The following CENPO variants were observed in gnomAD, a reference collection of about 807,000 sequenced individuals.
CENPO encodes the protein centromeric protein O.
Under a neutral mutation model 36.1 loss-of-function variants are expected in CENPO, and 30 were observed. The observed-to-expected ratio is 0.83, with a 90% CI of 0.62 to 1.13. The LOEUF (loss-of-function observed/expected upper bound fraction) is 1.13. CENPO is among the 50% of genes most tolerant of loss of function. The pLI, the probability that CENPO is intolerant of heterozygous loss-of-function variation, is 0.00. For synonymous variants in CENPO, 171 were observed against 142.3 expected (o/e 1.20, Z -1.44); for missense variants, 349 against 357.8 (o/e 0.98, Z 0.20).
chr2:24,819,909 G>A lies in CENPO; in HGVS notation c.*591G>A. ...AAAATAAATTCTCCCTTCCGGTTTG[G>A]ACTGTTGCAGGCTCGAGGCCATTCA... On this transcript the variant is annotated 3_prime_UTR_variant, in exon 8 of 8. Coordinates refer to ENST00000380834, the MANE Select transcript of CENPO (RefSeq NM_001322101.2). 1 of 1,609,804 alleles carries A rather than the reference G, an allele frequency of 6.2e-7. No individual in the cohort carries two copies. The highest frequency in any genetic ancestry group is 8.5e-7 in the Non-Finnish European group (1 of 1,178,486).
In CENPO at chr2:24,817,743, G is replaced by A. The variant is rs202228565; in HGVS notation, c.840G>A (p.Leu280=). The change falls in exon 7 of 8, where the codon TTG becomes TTA. Residue 280 remains leucine (L), a synonymous_variant. Transcript: ENST00000380834. The part of the protein sequence containing the change: ...SHETLFCTKP[L]HQVFASFTRK... ...AAACTCTGTTCTGTACGAAGCCCTT[G>A]CATCAAGTGTTTGCCTCATTTACAA... 7.4e-6 allele frequency: 12 copies of A among 1,614,130 alleles called. No homozygotes were observed. The highest frequency in any genetic ancestry group is 1.0e-5 in the Non-Finnish European group (12 of 1,180,056).
chr2:24,803,847 G>T (rs538440606), intron 3 of CENPO, among the ~76,000 whole-genome samples: 1 of 152,088 alleles, frequency 6.6e-6, no homozygotes, highest in South Asian at 2.1e-4. Flanking sequence ...TATTAGGTCC[G>T]CTTGGTGCAG....
In CENPO at chr2:24,820,282, G is replaced by C; in HGVS notation, c.*964G>C. On this transcript the variant is annotated 3_prime_UTR_variant, in exon 8 of 8. Transcript: ENST00000380834. Reference sequence around the variant, plus strand: ...AGCCCTTCCACCCGTGGCGAGCAGCGGGTGGGAAGGAGAACCCTGGAGTGA... The same window carrying C: ...AGCCCTTCCACCCGTGGCGAGCAGCCGGTGGGAAGGAGAACCCTGGAGTGA... The C allele has an allele frequency of 8.0e-7, 1 of 1,247,670 alleles. No individual in the cohort carries two copies. The allele number at this position is 1,247,670 out of a possible 1,614,324, so 77.3% of individuals were successfully genotyped here.
In CENPO at chr2:24,814,391, GCCAATGTAGAACCCAA is replaced by G. The variant is rs1325725796; in HGVS notation, c.237_252del (p.Asn79LysfsTer18). ...TATCTTGCAGGTGAAAGCATGTATT[GCCAATGTAGAACCCAA>G]CCAAACAGTGGAGATCAATGAGCAA... On this transcript the variant is annotated frameshift_variant, in exon 4 of 8. Transcript: ENST00000380834. LOFTEE classifies it high-confidence loss of function. 6.4e-7 allele frequency: 1 copy of G among 1,573,922 alleles called. No homozygotes were observed. Among genetic ancestry groups the G allele is most frequent in the Admixed American group, 1.7e-5 (1 of 59,960 alleles).
At chr2:24,805,190 G>C (rs1666340590) in intron 3 of CENPO, among the ~76,000 whole-genome samples, 1 of 152,124 alleles carries the variant, frequency 6.6e-6, no homozygotes, top group African/African-American at 2.4e-5. Context: ...GTCCTTTAAG[G>C]ACTTCTCTGC....
chr2:24,811,379 C>T (rs1442918024), intron 3 of CENPO, among the ~76,000 whole-genome samples: 1 of 150,438 alleles, frequency 6.6e-6, no homozygotes, highest in Admixed American at 6.7e-5. Context: ...CCTCCTGATT[C>T]AAGCGATTCT....
intron 2 of CENPO, among the ~76,000 whole-genome samples, chr2:24,795,709 C>T (rs1052922855): frequency 3.9e-5 from 6 of 152,158 alleles, no homozygotes; most frequent in African/African-American, 1.4e-4. Context: ...GAGGCGTCTC[C>T]TCTACCACCC....
At chr2:24,799,988 C>T in intron 3 of CENPO, 144 bp downstream of exon 3, 1 of 970,990 alleles carries the variant, frequency 1.0e-6, no homozygotes, top group Non-Finnish European at 1.5e-6. Flanking sequence ...CTCAAATGAT[C>T]AAACCTGTAG....
rs1331758101 is a variant in CENPO, at chr2:24,820,970, T to G, written c.*1652T>G. Reference sequence around the variant, plus strand: ...TAATGTAACACATCATTGTCCTCATTCAACTTGGCTGTATGCTATTGGAGG... The same window carrying G: ...TAATGTAACACATCATTGTCCTCATGCAACTTGGCTGTATGCTATTGGAGG... On this transcript the variant is annotated 3_prime_UTR_variant, in exon 8 of 8. Transcript: ENST00000380834. 2.1e-6 allele frequency: 3 copies of G among 1,405,740 alleles called. No homozygotes were observed. The highest frequency in any genetic ancestry group is 1.9e-6 in the Non-Finnish European group (2 of 1,031,920). The allele number at this position is 1,405,740 out of a possible 1,614,324, so 87.1% of individuals were successfully genotyped here.
At chr2:24,799,539 A>G (rs1287791964) in intron 2 of CENPO, 136 bp from the exon 3 acceptor site, 3 of 680,638 alleles carry the variant, frequency 4.4e-6, no homozygotes, top group Non-Finnish European at 7.6e-6. Context: ...AAATTGACAG[A>G]TATCTAACAA....
chr2:24,820,450 C>T lies in CENPO; in HGVS notation c.*1132C>T. On this transcript the variant is annotated 3_prime_UTR_variant, in exon 8 of 8. Transcript: ENST00000380834. The stretch of plus-strand genomic sequence containing the variant: ...TTCGTGGAGCTTTTCTGCCAGACGC[C>T]ACTGAGACAGATCACAAGGTATTAG... The T allele has an allele frequency of 7.5e-7, 1 of 1,328,540 alleles. No homozygotes were observed. The highest frequency in any genetic ancestry group is 9.6e-7 in the Non-Finnish European group (1 of 1,042,036). The allele number at this position is 1,328,540 out of a possible 1,614,324, so 82.3% of individuals were successfully genotyped here. A position where few individuals can be genotyped will look rare whatever the true frequency, so the allele number is the denominator to read the frequency against.
At chr2:24,816,575 G>A in intron 5 of CENPO, 71 bp from the exon 6 acceptor site, 1 of 1,070,170 alleles carries the variant, frequency 9.3e-7, no homozygotes, top group Non-Finnish European at 1.3e-6. Flanking sequence ...TGACGTAATT[G>A]AAGGGTCAGT....
rs1260502067 is a variant in CENPO, at chr2:24,821,014, G to GT, written c.*1699dup. 8 of 948,324 alleles carry GT rather than the reference G, an allele frequency of 8.4e-6. No homozygotes were observed. The East Asian group carries it at 2.0e-4, about 23-fold the overall frequency. 58.7% of individuals were successfully genotyped at this position (948,324 alleles called of 1,614,324 possible). A position where few individuals can be genotyped will look rare whatever the true frequency, so the allele number is the denominator to read the frequency against. On this transcript the variant is annotated 3_prime_UTR_variant, in exon 8 of 8. Coordinates refer to ENST00000380834, the MANE Select transcript of CENPO (RefSeq NM_001322101.2). ...TTGGAGGGTGGAAATCACATCTCCT[G>GT]TTTATCCGTGTGCTTGTTAGGTGTC... is the stretch of plus-strand genomic sequence containing the variant.
rs771982508 is a variant in CENPO at position 24,799,859 on chromosome 2, G to A, written c.216+15G>A. The A allele has an allele frequency of 6.2e-7, 1 of 1,611,450 alleles. No homozygotes were observed. Among genetic ancestry groups the A allele is most frequent in the African/African-American group, 1.3e-5 (1 of 74,814 alleles). ...GGCGAGCCAGCGTGAGTAGAAGGGT[G>A]GTATCAGCAGTTCCTTTAGAGTATA... is the stretch of plus-strand genomic sequence containing the variant. On this transcript the variant is annotated intron_variant, in intron 3 of 7. Coordinates refer to ENST00000380834, the MANE Select transcript of CENPO (RefSeq NM_001322101.2).
At chr2:24,810,982 C>T (rs565111823) in intron 3 of CENPO, among the ~76,000 whole-genome samples, 44 of 151,860 alleles carry the variant, frequency 2.9e-4, no homozygotes, top group African/African-American at 7.7e-4. Context: ...CTCACTCTGT[C>T]GCCCAGGCTG....
At position 24,820,575 on chromosome 2, in the gene CENPO, C is replaced by T. The variant is rs550709237; in HGVS notation, c.*1257C>T. ...CTTCCTGTGCTGAGGCTAGCTATTG[C>T]AGAGATTCTTTTCCACTTGCCCCAC... On this transcript the variant is annotated 3_prime_UTR_variant, in exon 8 of 8. Transcript: ENST00000380834. The T allele has an allele frequency of 6.9e-7, 1 of 1,455,046 alleles. No homozygotes were observed. Among genetic ancestry groups the T allele is most frequent in the African/African-American group, 1.4e-5 (1 of 70,750 alleles). The allele number at this position is 1,455,046 out of a possible 1,614,324, so 90.1% of individuals were successfully genotyped here. A position where few individuals can be genotyped will look rare whatever the true frequency, so the allele number is the denominator to read the frequency against.
In CENPO at chr2:24,822,083, C is replaced by T; in HGVS notation, c.*2765C>T. The T allele has an allele frequency of 5.3e-6, 1 of 188,744 alleles. No individual in the cohort carries two copies. The highest frequency in any genetic ancestry group is 1.1e-5 in the Non-Finnish European group (1 of 90,912). 11.7% of individuals were successfully genotyped at this position (188,744 alleles called of 1,614,324 possible). On this transcript the variant is annotated 3_prime_UTR_variant, in exon 8 of 8. Transcript: ENST00000380834. ...AAAGCAGGATGATGGTGTTTTAAGA[C>T]CAGAGCTTGGGACCAGGGCTCCTAC... is the stretch of plus-strand genomic sequence containing the variant.
chr2:24,799,942 T>G (rs974636218), intron 3 of CENPO, 98 bp downstream of exon 3: 5 of 1,337,838 alleles, frequency 3.7e-6, no homozygotes, highest in Admixed American at 3.6e-5. Context: ...TGTGTTTTAC[T>G]TGTGATCTTA....
At position 24,793,935 on chromosome 2, in the gene CENPO, C is replaced by G; in HGVS notation, c.16C>G (p.Pro6Ala). The change falls in exon 2 of 8, where the codon CCT (proline) becomes GCT (alanine). Residue 6 changes from proline (P) to alanine (A), a missense_variant. Pro to Ala is a conservative substitution (Grantham distance 27). Transcript: ENST00000380834. ...GGAATCTGAGATGGAGCAGGCGAAC[C>G]CTTTACGTCCAGATGGCGAGTCCAA... MEQAN[P>A]LRPDGESKGG... The G allele has an allele frequency of 1.2e-6, 2 of 1,614,084 alleles. No individual in the cohort carries two copies. Among genetic ancestry groups the G allele is most frequent in the Non-Finnish European group, 1.7e-6 (2 of 1,179,998 alleles).
Sources: allele counts gnomAD v4.1 joint callset (sites outside exome capture counted in the v4.1 genomes callset), GRCh38; gene constraint gnomAD v4.1.1; transcripts MANE v1.5; gene names NCBI Gene and HGNC (gene_info 2026-07-23, HGNC 2026-07-21).